DZIP3: variants seen among roughly 807,000 people sequenced by gnomAD.
The protein encoded by DZIP3 is DAZ interacting zinc finger protein 3.
DZIP3 carries 118 observed loss-of-function variants against 162.0 expected under a neutral mutation model. That is an observed-to-expected ratio of 0.73 (90% CI 0.63 to 0.85). DZIP3 has a LOEUF of 0.85. Ranked by LOEUF, DZIP3 falls within the 40% of genes least tolerant of loss-of-function variation. The probability of loss-of-function intolerance (pLI) is 0.00; values close to 1 mark genes in which losing one functional copy is unlikely to be tolerated. For missense variants in DZIP3, 1,331 were observed against 1,407.0 expected (o/e 0.95, Z 0.86); for synonymous variants, 438 against 458.6 (o/e 0.96, Z 0.57).
intron 17 of DZIP3, 73 bp downstream of exon 17, chr3:108,649,035 C>A: frequency 1.1e-6 from 1 of 907,564 alleles, no homozygotes; most frequent in Non-Finnish European, 1.5e-6. Context: ...ATTGTTAGAA[C>A]TTAAATTAGT....
intron 1 of DZIP3, among the ~76,000 whole-genome samples, chr3:108,600,503 A>G (rs1283933039): frequency 2.6e-5 from 4 of 152,198 alleles, no homozygotes; most frequent in Admixed American, 6.5e-5. Flanking sequence ...AACAGTGTGC[A>G]CACATTATGT....
At chr3:108,666,593 CT>C (rs1201129680) in intron 21 of DZIP3, among the ~76,000 whole-genome samples, 1 of 152,150 alleles carries the variant, frequency 6.6e-6, no homozygotes, top group Non-Finnish European at 1.5e-5. Context: ...AATACACATG[CT>C]TTCAAGTGAC....
intron 4 of DZIP3, among the ~76,000 whole-genome samples, chr3:108,613,384 A>AAGTTAAAGTCC (rs1940827737): frequency 6.6e-6 from 1 of 152,156 alleles, no homozygotes; most frequent in African/African-American, 2.4e-5. Context: ...TAAACATTAA[A>AAGTTAAAGTCC]AGTTGTTATG....
chr3:108,672,000 GATCAAGGTAGCAGCCT>G (rs1347526899), intron 22 of DZIP3, among the ~76,000 whole-genome samples: 2 of 151,948 alleles, frequency 1.3e-5, no homozygotes, highest in Admixed American at 6.6e-5. Context: ...GGAAGTCCAA[GATCAAGGTAGCAGCCT>G]ATTTGGTATC....
Position 108,681,183 on chromosome 3 carries a change from G to A in DZIP3, c.2884-3033G>A, listed in dbSNP as rs116101641. 4.2e-3 allele frequency among the ~76,000 whole-genome samples: 642 copies of A among 152,096 alleles called. 1 individual carries two copies. The highest frequency in any genetic ancestry group is 5.8e-3 in the Non-Finnish European group (396 of 67,990). On this transcript the variant is annotated intron_variant, in intron 26 of 32. Transcript: ENST00000361582. ...GGAGAAAATTTTTGCAATCTTATCC[G>A]TCTGACAAAGGGCTTATATCTAGAA... is the stretch of plus-strand genomic sequence containing the variant.
At chr3:108,610,683 C>T (rs989069744) in intron 3 of DZIP3, among the ~76,000 whole-genome samples, 2 of 152,180 alleles carry the variant, frequency 1.3e-5, no homozygotes, top group Admixed American at 1.3e-4. Context: ...CTGTTGTCCA[C>T]TAGTTCTTCA....
chr3:108,688,024 A>G lies in DZIP3; in HGVS notation c.3198A>G (p.Lys1066=), dbSNP rs762782763. Residue 1066 remains lysine, a synonymous_variant, in exon 29 of 33, where the codon AAA becomes AAG. Coordinates refer to ENST00000361582, the MANE Select transcript of DZIP3 (RefSeq NM_014648.4). The stretch of plus-strand genomic sequence containing the variant: ...GGAAATTGAAGGATGCTTATGGAAA[A>G]TCCTTGTCTGAACTGACATTTGATG... ...FLRKLKDAYG[K]SLSELTFDEI... is the part of the protein sequence containing the mutation. The G allele has an allele frequency of 8.7e-6, 14 of 1,613,696 alleles. No individual in the cohort carries two copies. Among genetic ancestry groups the G allele is most frequent in the Non-Finnish European group, 1.2e-5 (14 of 1,179,802 alleles).
chr3:108,635,016 A>G (rs1942073740), intron 10 of DZIP3, 44 bp downstream of exon 10: 2 of 1,226,160 alleles, frequency 1.6e-6, no homozygotes, highest in African/African-American at 3.1e-5. Flanking sequence ...TTCTTCCTCT[A>G]CCCTTTCCTC....
intron 5 of DZIP3, among the ~76,000 whole-genome samples, chr3:108,622,712 C>T (rs1941409569): frequency 6.6e-6 from 1 of 152,096 alleles, no homozygotes; most frequent in Admixed American, 6.5e-5. Flanking sequence ...AGCCCAGTAA[C>T]CCTGTGTCTC....
rs376344686 is a variant in DZIP3, at chr3:108,658,193, C to T, written c.2200-3684C>T. ...CCAAATCAACAGAATATACATTTTTCTCAGCACCACACCACACCTATTCCA... is the reference window on the plus strand; with the variant it reads ...CCAAATCAACAGAATATACATTTTTTTCAGCACCACACCACACCTATTCCA... On this transcript the variant is annotated intron_variant, in intron 19 of 32. Transcript: ENST00000361582. Among the ~76,000 whole-genome samples, 9 of 151,614 alleles carry T rather than the reference C, an allele frequency of 5.9e-5. No individual in the cohort carries two copies. The South Asian group carries it at 8.3e-4, about 14-fold the overall frequency.
Position 108,684,799 on chromosome 3 carries a change from A to G in DZIP3, c.3009+458A>G, listed in dbSNP as rs912816307. Among the ~76,000 whole-genome samples, 5 of 152,286 alleles carry G rather than the reference A, an allele frequency of 3.3e-5. 1 individual carries two copies. In the East Asian group the frequency reaches 5.8e-4, roughly 18 times the overall value. ...AAGTGTATCTATAAACAGACTATAA[A>G]TAGCATCACCTTGAAACATAAACTG... On this transcript the variant is annotated intron_variant, in intron 27 of 32. Coordinates refer to ENST00000361582, the MANE Select transcript of DZIP3 (RefSeq NM_014648.4).
intron 6 of DZIP3, among the ~76,000 whole-genome samples, chr3:108,624,832 G>A (rs530458390): frequency 6.0e-4 from 91 of 152,000 alleles, no homozygotes; most frequent in Non-Finnish European, 1.0e-3. Flanking sequence ...GTGCAAATAA[G>A]TACAAATCTG....
chr3:108,662,208 A>T lies in DZIP3; in HGVS notation c.2374A>T (p.Ile792Phe), dbSNP rs13063311. Reference sequence around the variant, plus strand: ...GCAGATTAAAAAGAAAGACAAAATTATCGCATCTCTTAATCAACAAGTTGC... The same window carrying T: ...GCAGATTAAAAAGAAAGACAAAATTTTCGCATCTCTTAATCAACAAGTTGC... ...QMQIKKKDKI[I>F]ASLNQQVAFG... Residue 792 changes from isoleucine (I) to phenylalanine (F), a missense_variant, in exon 21 of 33, where the codon ATC becomes TTC. Transcript: ENST00000361582. 6.2e-7 allele frequency: 1 copy of T among 1,609,748 alleles called. No individual in the cohort carries two copies. The highest frequency in any genetic ancestry group is 8.5e-7 in the Non-Finnish European group (1 of 1,178,922).
intron 22 of DZIP3, among the ~76,000 whole-genome samples, chr3:108,670,283 G>T (rs1943879212): frequency 6.6e-6 from 1 of 151,834 alleles, no homozygotes; most frequent in African/African-American, 2.4e-5. Flanking sequence ...AAACCCATTA[G>T]ATGTCATTCC....
intron 8 of DZIP3, among the ~76,000 whole-genome samples, chr3:108,632,610 T>C (rs1189869872): frequency 6.6e-6 from 1 of 152,194 alleles, no homozygotes; most frequent in African/African-American, 2.4e-5. Flanking sequence ...TCTCTCTGTG[T>C]GTATATAGTA....
At chr3:108,666,518 A>G (rs1258514612) in intron 21 of DZIP3, among the ~76,000 whole-genome samples, 1 of 152,196 alleles carries the variant, frequency 6.6e-6, no homozygotes, top group African/African-American at 2.4e-5. Context: ...AGAAGACCTC[A>G]ATAACCACCA....
chr3:108,680,040 A>G (rs1232387618), intron 26 of DZIP3, among the ~76,000 whole-genome samples: 1 of 152,148 alleles, frequency 6.6e-6, no homozygotes, highest in African/African-American at 2.4e-5. Context: ...AGAAGGACAA[A>G]AACCATATGA....
At chr3:108,613,419 G>A (rs1159569539) in intron 4 of DZIP3, among the ~76,000 whole-genome samples, 1 of 152,114 alleles carries the variant, frequency 6.6e-6, no homozygotes, top group Non-Finnish European at 1.5e-5. Flanking sequence ...AAAAGATTGT[G>A]TTACTTGTTC....
At chr3:108,684,399 T>C in intron 27 of DZIP3, 58 bp downstream of exon 27, 8 of 1,562,324 alleles carry the variant, frequency 5.1e-6, no homozygotes, top group Non-Finnish European at 6.9e-6. Flanking sequence ...TCTAGTGGGC[T>C]TCCTGAATGA....
Sources: gnomAD v4.1 joint callset for allele counts (sites outside exome capture counted in the v4.1 genomes callset) on GRCh38, gnomAD v4.1.1 for gene constraint, MANE v1.5 for transcripts, NCBI Gene and HGNC (gene_info 2026-07-23, HGNC 2026-07-21) for gene names.